The following PCDHA11 variants were observed in gnomAD, a reference collection of about 807,000 sequenced individuals.
PCDHA11 encodes protocadherin alpha 11.
Under a neutral mutation model 70.3 loss-of-function variants are expected in PCDHA11, and 61 were observed. The observed-to-expected ratio is 0.87, with a 90% CI of 0.71 to 1.07. PCDHA11 has a LOEUF of 1.07. Ranked by LOEUF, PCDHA11 falls within the 50% of genes least tolerant of loss-of-function variation. PCDHA11 has a pLI of 0.00. For missense variants in PCDHA11, 1,324 were observed against 1,237.5 expected, an observed-to-expected ratio of 1.07 and a Z score of -1.05; for synonymous variants, 633 against 555.1, an observed-to-expected ratio of 1.14 and a Z score of -1.97.
At chr5:140,926,873 C>T in intron 1 of PCDHA11, 1 of 1,525,502 alleles carries the variant, frequency 6.6e-7, no homozygotes, top group Non-Finnish European at 8.8e-7. Context: ...GTTGGTGGAA[C>T]GTGGACGCCT....
At chr5:140,879,329 T>A (rs2057946411) in intron 1 of PCDHA11, among the ~76,000 whole-genome samples, 1 of 152,182 alleles carries the variant, frequency 6.6e-6, no homozygotes, top group Non-Finnish European at 1.5e-5. Context: ...ACTTTTTTAG[T>A]TTGTTCAGCT....
intron 1 of PCDHA11, among the ~76,000 whole-genome samples, chr5:140,956,062 T>G (rs2153708941): frequency 6.6e-6 from 1 of 152,228 alleles, no homozygotes; most frequent in South Asian, 2.1e-4. Flanking sequence ...GACAATGGGG[T>G]TTTCCAGATA....
chr5:140,882,157 C>G, intron 1 of PCDHA11: 5 of 1,504,750 alleles, frequency 3.3e-6, no homozygotes, highest in Non-Finnish European at 8.9e-7. Flanking sequence ...AAGCGGAATA[C>G]CTCTTGCGAA....
At chr5:140,997,533 A>G (rs1247028089) in intron 3 of PCDHA11, among the ~76,000 whole-genome samples, 1 of 152,230 alleles carries the variant, frequency 6.6e-6, no homozygotes, top group Non-Finnish European at 1.5e-5. Context: ...CAATAAAAAT[A>G]CATTATTATA....
intron 1 of PCDHA11, among the ~76,000 whole-genome samples, chr5:140,932,539 AT>A (rs782246299): frequency 3.3e-5 from 5 of 152,008 alleles, no homozygotes; most frequent in Admixed American, 2.0e-4. Context: ...AAGGTGCTTT[AT>A]TTAACATACA....
In PCDHA11 at chr5:140,877,704, C is replaced by T. The variant is rs116613760; in HGVS notation, c.2391+6210C>T. 1.6e-3 allele frequency: 2,639 copies of T among 1,613,952 alleles called. 39 individuals are homozygous for T. The African/African-American group carries it at 0.027, about 17-fold the overall frequency. On this transcript the variant is annotated intron_variant, in intron 1 of 3. Coordinates refer to ENST00000398640, the MANE Select transcript of PCDHA11 (RefSeq NM_018902.5). ...AGCCCACGCTGGTGTGCTCCAGCGC[C>T]GTGGGGAGTTGGTCTTACTCGCAGC...
Position 140,869,830 on chromosome 5 carries a change from G to A in PCDHA11, c.727G>A (p.Asp243Asn). 1.2e-6 allele frequency: 2 copies of A among 1,611,658 alleles called. No homozygotes were observed. Among genetic ancestry groups the A allele is most frequent in the Non-Finnish European group, 1.7e-6 (2 of 1,178,852 alleles). Residue 243 changes from aspartate (D) to asparagine (N), a missense_variant, in exon 1 of 4, where the codon GAT (aspartate) becomes AAT (asparagine). By Grantham distance (23) the Asp-to-Asn change is conservative. Transcript: ENST00000398640. ...TGTCAACGACAATGATCCAGAGTTTGATAAATCAGAATATAAGGTGAGCCT... is the reference window on the plus strand; with the variant it reads ...TGTCAACGACAATGATCCAGAGTTTAATAAATCAGAATATAAGGTGAGCCT... The part of the protein sequence containing the change: ...LDVNDNDPEF[D>N]KSEYKVSLME...
At chr5:140,924,670 C>A (rs2081947196) in intron 1 of PCDHA11, among the ~76,000 whole-genome samples, 1 of 151,926 alleles carries the variant, frequency 6.6e-6, no homozygotes, top group African/African-American at 2.4e-5. Flanking sequence ...CGAGGCAGGC[C>A]AATCACTTGA....
At position 140,990,592 on chromosome 5, in the gene PCDHA11, C is replaced by T. The variant is rs150978794; in HGVS notation, c.2539+8029C>T. On this transcript the variant is annotated intron_variant, in intron 3 of 3. Coordinates refer to ENST00000398640, the MANE Select transcript of PCDHA11 (RefSeq NM_018902.5). ...GTTCGATCTCTTTTCCTATAATCAC[C>T]TGGAGTCAGATGAATACCGTAAAGG... 2.7e-3 allele frequency among the ~76,000 whole-genome samples: 412 copies of T among 152,286 alleles called. 2 individuals are homozygous for T. Among genetic ancestry groups the T allele is most frequent in the African/African-American group, 9.5e-3 (395 of 41,556 alleles).
At chr5:140,881,454 C>A in intron 1 of PCDHA11, 1 of 705,924 alleles carries the variant, frequency 1.4e-6, no homozygotes, top group Non-Finnish European at 1.7e-6. Context: ...AATCCAAAAC[C>A]TTAGAGCATT....
At position 140,869,633 on chromosome 5, in the gene PCDHA11, A is replaced by G. The variant is rs376162708; in HGVS notation, c.530A>G (p.Tyr177Cys). Residue 177 changes from tyrosine (Y) to cysteine (C), a missense_variant, in exon 1 of 4, where the codon TAT (tyrosine) becomes TGT (cysteine). Transcript: ENST00000398640. Reference sequence around the variant, plus strand: ...ACCTACAGGCTAAGTAAAAATGAGTATTTTTCTTTAGATTCACCAACAAAT... The same window carrying G: ...ACCTACAGGCTAAGTAAAAATGAGTGTTTTTCTTTAGATTCACCAACAAAT... ...LLTYRLSKNE[Y>C]FSLDSPTNGK... The G allele has an allele frequency of 1.9e-6, 3 of 1,613,612 alleles. No individual in the cohort carries two copies. The highest frequency in any genetic ancestry group is 2.5e-6 in the Non-Finnish European group (3 of 1,179,882).
chr5:140,961,155 G>A (rs1214072320), intron 1 of PCDHA11, among the ~76,000 whole-genome samples: 2 of 152,126 alleles, frequency 1.3e-5, no homozygotes, highest in Non-Finnish European at 2.9e-5. Context: ...TATTATTTCA[G>A]TACATATCTA....
chr5:140,883,844 G>A (rs1404353270), intron 1 of PCDHA11: 4 of 1,612,836 alleles, frequency 2.5e-6, no homozygotes, highest in East Asian at 2.2e-5. Context: ...GTTGGACCAC[G>A]AGGAGCTGGA....
At chr5:140,938,699 A>G (rs1418739484) in intron 1 of PCDHA11, among the ~76,000 whole-genome samples, 4 of 152,128 alleles carry the variant, frequency 2.6e-5, no homozygotes, top group African/African-American at 4.8e-5. Context: ...TTTTAAATAT[A>G]TGTTTATGAT....
chr5:140,973,178 G>A (rs188308697), intron 1 of PCDHA11, among the ~76,000 whole-genome samples: 1 of 152,282 alleles, frequency 6.6e-6, no homozygotes, highest in Admixed American at 6.5e-5. Flanking sequence ...CAAACCTTCA[G>A]TTATTTCTGC....
At chr5:140,897,863 T>C (rs1432232591) in intron 1 of PCDHA11, among the ~76,000 whole-genome samples, 6 of 152,206 alleles carry the variant, frequency 3.9e-5, no homozygotes, top group Admixed American at 3.9e-4. Flanking sequence ...GTTTCCTGAC[T>C]TTTTAATGAT....
chr5:140,926,682 C>T, intron 1 of PCDHA11: 1 of 656,722 alleles, frequency 1.5e-6, no homozygotes, highest in Non-Finnish European at 2.3e-6. Context: ...CAGCCTCCAG[C>T]CTAGCAAGCC....
chr5:140,887,632 G>T (rs1554183131), intron 1 of PCDHA11, among the ~76,000 whole-genome samples: 1 of 151,834 alleles, frequency 6.6e-6, no homozygotes, highest in Admixed American at 6.6e-5. Context: ...ATGTTAGTCT[G>T]TTGGGGTTTG....
At chr5:140,961,342 A>AC (rs2095605510) in intron 1 of PCDHA11, among the ~76,000 whole-genome samples, 1 of 152,164 alleles carries the variant, frequency 6.6e-6, no homozygotes, top group South Asian at 2.1e-4. Flanking sequence ...CCAAGAGTGG[A>AC]TCCCTGTAGT....
Sources: allele counts gnomAD v4.1 joint callset (sites outside exome capture counted in the v4.1 genomes callset), GRCh38; gene constraint gnomAD v4.1.1; transcripts MANE v1.5; gene names NCBI Gene and HGNC (gene_info 2026-07-23, HGNC 2026-07-21).